ARHGAP20: variants seen among roughly 807,000 people sequenced by gnomAD.
The protein encoded by ARHGAP20 is Rho GTPase activating protein 20, also known as rho GTPase-activating protein 20.
Under a neutral mutation model 73.7 loss-of-function variants are expected in ARHGAP20, and 34 were observed. The observed-to-expected ratio is 0.46, with a 90% CI of 0.35 to 0.61. The LOEUF is 0.61. Among genes scored for constraint, ARHGAP20 ranks in the 20% least tolerant of loss-of-function variants. The probability of loss-of-function intolerance (pLI) is 0.00; values close to 1 mark genes in which losing one functional copy is unlikely to be tolerated. For missense variants in ARHGAP20, 1,314 were observed against 1,420.9 expected, an observed-to-expected ratio of 0.92 and a Z score of 1.21; for synonymous variants, 523 against 518.2, an observed-to-expected ratio of 1.01 and a Z score of -0.13.
At chr11:110,656,769 CT>C (rs1461120550) in intron 2 of ARHGAP20, among the ~76,000 whole-genome samples, 2 of 152,244 alleles carry the variant, frequency 1.3e-5, no homozygotes, top group Middle Eastern at 3.4e-3. Flanking sequence ...TACCTCCAAA[CT>C]TTTTTTGGGA....
At chr11:110,603,097 T>A (rs2134866601) in intron 9 of ARHGAP20, among the ~76,000 whole-genome samples, 1 of 152,356 alleles carries the variant, frequency 6.6e-6, no homozygotes, top group South Asian at 2.1e-4. Context: ...TATGGAAATC[T>A]ATCAAGTGTT....
intron 2 of ARHGAP20, among the ~76,000 whole-genome samples, chr11:110,645,971 G>C (rs768131153): frequency 3.3e-5 from 5 of 151,924 alleles, no homozygotes; most frequent in Non-Finnish European, 7.4e-5. Context: ...TATTAGAAGG[G>C]GGAGAGAGGT....
intron 2 of ARHGAP20, among the ~76,000 whole-genome samples, chr11:110,640,877 A>C (rs997102317): frequency 6.6e-6 from 1 of 152,112 alleles, no homozygotes; most frequent in Non-Finnish European, 1.5e-5. Context: ...CGTTGTGCAC[A>C]TGTACCCTAG....
chr11:110,592,275 G>A (rs1005815032), intron 9 of ARHGAP20, 120 bp from the exon 10 acceptor site: 4 of 869,442 alleles, frequency 4.6e-6, no homozygotes, highest in Non-Finnish European at 6.7e-6. Context: ...GCTAATAGAT[G>A]GCTTTTGTCA....
At chr11:110,661,330 A>G (rs1158119608) in intron 2 of ARHGAP20, among the ~76,000 whole-genome samples, 5 of 152,156 alleles carry the variant, frequency 3.3e-5, no homozygotes, top group African/African-American at 1.2e-4. Context: ...GGGGAAAAAC[A>G]GCAGGAGGAC....
rs939278312 is a variant in ARHGAP20 at position 110,577,448 on chromosome 11, A to C, written c.*1922T>G. The C allele has an allele frequency of 1.8e-5, 19 of 1,074,608 alleles. No individual in the cohort carries two copies. Among genetic ancestry groups the C allele is most frequent in the Non-Finnish European group, 2.0e-5 (18 of 889,498 alleles). 66.6% of individuals were successfully genotyped at this position (1,074,608 alleles called of 1,614,324 possible). A position where few individuals can be genotyped will look rare whatever the true frequency, so the allele number is the denominator to read the frequency against. On this transcript the variant is annotated 3_prime_UTR_variant, in exon 15 of 15. Coordinates refer to ENST00000683387, the MANE Select transcript of ARHGAP20 (RefSeq NM_001384657.1). ...TTTCTTCTATGCTTCAAATTGGGTG[A>C]ATGATTTTTTACCTGCTAACATGAA...
intron 2 of ARHGAP20, among the ~76,000 whole-genome samples, chr11:110,649,962 T>C (rs148667431): frequency 1.2e-4 from 19 of 152,240 alleles, no homozygotes; most frequent in African/African-American, 4.3e-4. Flanking sequence ...TATGTTTAAA[T>C]TACCTACATT....
At chr11:110,700,470 C>T (rs984003175) in intron 1 of ARHGAP20, among the ~76,000 whole-genome samples, 1 of 152,056 alleles carries the variant, frequency 6.6e-6, no homozygotes, top group Non-Finnish European at 1.5e-5. Flanking sequence ...CTTGTCTTCC[C>T]TACATGCCTG....
chr11:110,627,535 C>T (rs1017132698), intron 3 of ARHGAP20, among the ~76,000 whole-genome samples: 4 of 152,166 alleles, frequency 2.6e-5, no homozygotes, highest in Non-Finnish European at 4.4e-5. Context: ...GGAGATTTCT[C>T]CCCATTCTAA....
At chr11:110,690,448 A>C (rs1039296641) in intron 2 of ARHGAP20, 99 bp downstream of exon 2, 1 of 1,190,816 alleles carries the variant, frequency 8.4e-7, no homozygotes, top group East Asian at 2.4e-5. Flanking sequence ...GATAACAAAC[A>C]ACCTCTACAC....
intron 2 of ARHGAP20, among the ~76,000 whole-genome samples, chr11:110,643,966 G>A (rs1406181788): frequency 6.6e-6 from 1 of 152,018 alleles, no homozygotes; most frequent in African/African-American, 2.4e-5. Context: ...AAATAGTTAA[G>A]TTTTCATAGT....
intron 9 of ARHGAP20, among the ~76,000 whole-genome samples, chr11:110,605,891 C>G (rs2134873992): frequency 6.6e-6 from 1 of 152,192 alleles, no homozygotes; most frequent in East Asian, 1.9e-4. Flanking sequence ...AATCAATTTT[C>G]TACTATCTCA....
chr11:110,712,315 C>A lies in ARHGAP20; in HGVS notation c.-84G>T. ...GCTGCCGGCCGGAGGGGCGAGGACG[C>A]GCGGGCGGAGGCGCGGCTGCCGTGC... On this transcript the variant is annotated 5_prime_UTR_variant, in exon 1 of 15. Transcript: ENST00000683387. 1 of 1,157,554 alleles carries A rather than the reference C, an allele frequency of 8.6e-7. No individual in the cohort carries two copies. The highest frequency in any genetic ancestry group is 1.1e-6 in the Non-Finnish European group (1 of 906,082). 71.7% of individuals were successfully genotyped at this position (1,157,554 alleles called of 1,614,324 possible). A position where few individuals can be genotyped will look rare whatever the true frequency, so the allele number is the denominator to read the frequency against.
At chr11:110,635,725 T>C (rs1181700848) in intron 2 of ARHGAP20, among the ~76,000 whole-genome samples, 1 of 152,026 alleles carries the variant, frequency 6.6e-6, no homozygotes, top group African/African-American at 2.4e-5. Flanking sequence ...AAGGAGTTTC[T>C]ATGCTTGATA....
intron 1 of ARHGAP20, chr11:110,711,666 G>T: frequency 2.0e-6 from 3 of 1,464,130 alleles, no homozygotes; most frequent in Admixed American, 2.4e-5. Context: ...ACCTTCTTCA[G>T]CGCCGGCTGC....
chr11:110,679,662 C>T (rs1027530853), intron 2 of ARHGAP20, among the ~76,000 whole-genome samples: 12 of 152,116 alleles, frequency 7.9e-5, no homozygotes, highest in African/African-American at 2.9e-4. Context: ...AGAATTTAGT[C>T]AACTTTATTC....
At chr11:110,703,964 C>G (rs1407908431) in intron 1 of ARHGAP20, among the ~76,000 whole-genome samples, 2 of 152,190 alleles carry the variant, frequency 1.3e-5, no homozygotes. Flanking sequence ...TATCCATCCA[C>G]TCGCCTGAAG....
intron 1 of ARHGAP20, among the ~76,000 whole-genome samples, chr11:110,695,826 A>G (rs1459161921): frequency 1.3e-5 from 2 of 151,612 alleles, no homozygotes; most frequent in Admixed American, 6.6e-5. Context: ...GTACATATCC[A>G]AGAGAAATAA....
intron 11 of ARHGAP20, among the ~76,000 whole-genome samples, chr11:110,588,913 T>C (rs1046384198): frequency 1.3e-5 from 2 of 151,948 alleles, no homozygotes; most frequent in Non-Finnish European, 2.9e-5. Context: ...CTACTAAAAA[T>C]ACAAAAAAAT....
Sources: gnomAD v4.1 joint callset for allele counts (sites outside exome capture counted in the v4.1 genomes callset) on GRCh38, gnomAD v4.1.1 for gene constraint, MANE v1.5 for transcripts, NCBI Gene and HGNC (gene_info 2026-07-23, HGNC 2026-07-21) for gene names.